The following PNPLA5 variants were observed in gnomAD, a reference collection of about 807,000 sequenced individuals.
PNPLA5 encodes the protein patatin like domain 5, triacylglycerol lipase.
In PNPLA5, 44 loss-of-function variants were observed where a neutral mutation model predicts 49.1. The ratio of observed to expected loss-of-function variants is 0.90; its 90% confidence interval spans 0.70 to 1.15. The LOEUF is 1.15. PNPLA5 is among the 50% of genes most tolerant of loss of function. The pLI is 0.00. For synonymous variants in PNPLA5, 243 were observed against 244.4 expected, an observed-to-expected ratio of 0.99 and a Z score of 0.06; for missense variants, 603 against 564.0, an observed-to-expected ratio of 1.07 and a Z score of -0.70.
At position 43,891,802 on chromosome 22, in the gene PNPLA5, C is replaced by T. The variant is rs1302740080; in HGVS notation, c.79G>A (p.Ala27Thr). 5 of 1,524,836 alleles carry T rather than the reference C, an allele frequency of 3.3e-6. No individual in the cohort carries two copies. In the African/African-American group the frequency reaches 4.2e-5, roughly 13 times the overall value. 94.5% of individuals were successfully genotyped at this position (1,524,836 alleles called of 1,614,324 possible). A position where few individuals can be genotyped will look rare whatever the true frequency, so the allele number is the denominator to read the frequency against. The stretch of plus-strand genomic sequence containing the variant: ...GCTCGCTGGCGCAGGCATTCGGTGG[C>T]GCCCACGTGGTGGGCGCCCAGGTAG... ...AGYLGAHHVG[A>T]TECLRQRAPR... is the part of the protein sequence containing the mutation. Residue 27 changes from alanine (A) to threonine (T), a missense_variant, in exon 1 of 9, where the codon GCC becomes ACC. Physicochemically the swap from Ala to Thr is moderately conservative, Grantham distance 58. Transcript: ENST00000216177.
intron 6 of PNPLA5, among the ~76,000 whole-genome samples, chr22:43,885,576 T>C (rs2148327591): frequency 6.6e-6 from 1 of 152,188 alleles, no homozygotes; most frequent in South Asian, 2.1e-4. Context: ...CCATGCCCTC[T>C]CCCCGATGCT....
chr22:43,891,557 C>G (rs942574898), intron 1 of PNPLA5, 131 bp downstream of exon 1: 14 of 1,320,704 alleles, frequency 1.1e-5, no homozygotes, highest in Non-Finnish European at 1.3e-5. Context: ...TCGGTGTTCT[C>G]ATGGGATTAA....
Position 43,881,655 on chromosome 22 carries a change from C to G in PNPLA5, c.1102G>C (p.Asp368His). Reference sequence around the variant, plus strand: ...ATCCACCACAAGTCCGCCGGCACATCGGGCAGCCACACCACCAACCTGGAG... The same window carrying G: ...ATCCACCACAAGTCCGCCGGCACATGGGGCAGCCACACCACCAACCTGGAG... ...RSRRLVVWLP[D>H]VPADLWWMQG... is the part of the protein sequence containing the mutation. Residue 368 changes from aspartate to histidine, a missense_variant, in exon 8 of 9, where the codon GAT (aspartate) becomes CAT (histidine). By Grantham distance (81) the Asp-to-His change is moderately conservative. Coordinates refer to ENST00000216177, the MANE Select transcript of PNPLA5 (RefSeq NM_138814.4). 4.3e-6 allele frequency: 7 copies of G among 1,613,668 alleles called. No individual in the cohort carries two copies. Among genetic ancestry groups the G allele is most frequent in the Non-Finnish European group, 5.9e-6 (7 of 1,179,888 alleles).
chr22:43,890,476 C>T (rs930550039), intron 2 of PNPLA5, among the ~76,000 whole-genome samples: 2 of 152,214 alleles, frequency 1.3e-5, no homozygotes, highest in South Asian at 2.1e-4. Flanking sequence ...CGTGCGCGTA[C>T]ACACTATTGG....
chr22:43,891,649 T>TC (rs2049724540), intron 1 of PNPLA5, 39 bp downstream of exon 1: 4 of 1,503,934 alleles, frequency 2.7e-6, no homozygotes, highest in Non-Finnish European at 3.5e-6. Flanking sequence ...TTCATTAAGC[T>TC]GTCCCCGCCC....
At chr22:43,883,280 G>A (rs185015957) in intron 7 of PNPLA5, among the ~76,000 whole-genome samples, 39 of 152,228 alleles carry the variant, frequency 2.6e-4, no homozygotes, top group African/African-American at 8.2e-4. Context: ...TCTAGGTGGC[G>A]CTGTAGTTAC....
At position 43,884,437 on chromosome 22, in the gene PNPLA5, C is replaced by A. The variant is rs558286738; in HGVS notation, c.950-92G>T. On this transcript the variant is annotated intron_variant, in intron 6 of 8. Coordinates refer to ENST00000216177, the MANE Select transcript of PNPLA5 (RefSeq NM_138814.4). ...CATTTCACACAGTAAGAGACTGCACCCCCTCCACCTTCTGCAGATGAAGAA... is the reference window on the plus strand; with the variant it reads ...CATTTCACACAGTAAGAGACTGCACACCCTCCACCTTCTGCAGATGAAGAA... 1.5e-5 allele frequency: 21 copies of A among 1,410,046 alleles called. No homozygotes were observed. In the African/African-American group the frequency reaches 2.8e-4, roughly 19 times the overall value. The allele number at this position is 1,410,046 out of a possible 1,614,324, so 87.3% of individuals were successfully genotyped here. A position where few individuals can be genotyped will look rare whatever the true frequency, so the allele number is the denominator to read the frequency against.
intron 7 of PNPLA5, among the ~76,000 whole-genome samples, chr22:43,883,327 A>T (rs2049629280): frequency 1.3e-5 from 2 of 152,282 alleles, no homozygotes; most frequent in East Asian, 1.9e-4. Context: ...CGTGAGCTCC[A>T]CCAGGCCAGG....
chr22:43,884,236 C>T lies in PNPLA5; in HGVS notation c.1059G>A (p.Glu353=). The part of the protein sequence containing the change: ...YLLLPCTLPF[E]YIYFRSRRLV... ...ACCTTCTGCTGCGGAAGTAGATGTA[C>T]TCGAAGGGCAGTGTGCAGGGTAGCA... Residue 353 remains glutamate (E), a synonymous_variant, in exon 7 of 9, where the codon GAG becomes GAA. Coordinates refer to ENST00000216177, the MANE Select transcript of PNPLA5 (RefSeq NM_138814.4). 3 of 1,576,274 alleles carry T rather than the reference C, an allele frequency of 1.9e-6. No homozygotes were observed. The South Asian group carries it at 3.5e-5, about 18-fold the overall frequency.
At position 43,891,797 on chromosome 22, in the gene PNPLA5, G is replaced by T; in HGVS notation, c.84C>A (p.Thr28=). 1 of 1,525,786 alleles carries T rather than the reference G, an allele frequency of 6.6e-7. No homozygotes were observed. The highest frequency in any genetic ancestry group is 8.8e-7 in the Non-Finnish European group (1 of 1,140,240). The allele number at this position is 1,525,786 out of a possible 1,614,324, so 94.5% of individuals were successfully genotyped here. A position where few individuals can be genotyped will look rare whatever the true frequency, so the allele number is the denominator to read the frequency against. ...GCGGGGCTCGCTGGCGCAGGCATTC[G>T]GTGGCGCCCACGTGGTGGGCGCCCA... ...GYLGAHHVGA[T]ECLRQRAPRL... Residue 28 remains threonine, a synonymous_variant, in exon 1 of 9, where the codon ACC becomes ACA. Coordinates refer to ENST00000216177, the MANE Select transcript of PNPLA5 (RefSeq NM_138814.4).
intron 7 of PNPLA5, among the ~76,000 whole-genome samples, chr22:43,882,751 T>G (rs1030745729): frequency 6.6e-6 from 1 of 152,190 alleles, no homozygotes; most frequent in Non-Finnish European, 1.5e-5. Flanking sequence ...GGTAGAAAGC[T>G]CTCTCCTGGG....
intron 2 of PNPLA5, 87 bp downstream of exon 2, chr22:43,890,975 A>T: frequency 6.7e-7 from 1 of 1,498,346 alleles, no homozygotes; most frequent in South Asian, 1.2e-5. Context: ...CCCTGCAGAA[A>T]CGTCTGACGG....
chr22:43,884,365 A>C lies in PNPLA5; in HGVS notation c.950-20T>G. Reference sequence around the variant, plus strand: ...TCAGTGCTGCAAGAGAAGCCCTGGCATGGCCCTGCCCACCTGAAGTCTGTG... The same window carrying C: ...TCAGTGCTGCAAGAGAAGCCCTGGCCTGGCCCTGCCCACCTGAAGTCTGTG... On this transcript the variant is annotated intron_variant, in intron 6 of 8. Coordinates refer to ENST00000216177, the MANE Select transcript of PNPLA5 (RefSeq NM_138814.4). The C allele has an allele frequency of 6.5e-7, 1 of 1,539,852 alleles. No homozygotes were observed. Among genetic ancestry groups the C allele is most frequent in the East Asian group, 2.4e-5 (1 of 41,468 alleles).
chr22:43,891,789 A>G lies in PNPLA5; in HGVS notation c.92T>C (p.Leu31Pro), dbSNP rs1218382482. The change falls in exon 1 of 9, where the codon CTG becomes CCG. Residue 31 changes from leucine to proline, a missense_variant. By Grantham distance (98) the Leu-to-Pro change is moderately conservative. Coordinates refer to ENST00000216177, the MANE Select transcript of PNPLA5 (RefSeq NM_138814.4). ...GAGGAGGCGCGGGGCTCGCTGGCGC[A>G]GGCATTCGGTGGCGCCCACGTGGTG... ...GAHHVGATEC[L>P]RQRAPRLLQG... 5 of 1,528,792 alleles carry G rather than the reference A, an allele frequency of 3.3e-6. No homozygotes were observed. Among genetic ancestry groups the G allele is most frequent in the Non-Finnish European group, 4.4e-6 (5 of 1,141,004 alleles). The allele number at this position is 1,528,792 out of a possible 1,614,324, so 94.7% of individuals were successfully genotyped here. A position where few individuals can be genotyped will look rare whatever the true frequency, so the allele number is the denominator to read the frequency against.
At position 43,889,564 on chromosome 22, in the gene PNPLA5, TG is replaced by T. The variant is rs763050074; in HGVS notation, c.493-27del. 9.5e-4 allele frequency: 1,504 copies of T among 1,580,388 alleles called. 4 individuals carry two copies. Among genetic ancestry groups the T allele is most frequent in the Non-Finnish European group, 1.2e-3 (1,391 of 1,161,744 alleles). On this transcript the variant is annotated intron_variant, in intron 3 of 8. Coordinates refer to ENST00000216177, the MANE Select transcript of PNPLA5 (RefSeq NM_138814.4). ...CTGCAATTTGTGGGGAGCAGGTGGG[TG>T]GTGCTGCCCTCTCAGAGGGCCTCCC...
intron 1 of PNPLA5, 135 bp from the exon 2 acceptor site, chr22:43,891,429 C>G (rs2049722453): frequency 2.8e-6 from 4 of 1,406,104 alleles, no homozygotes; most frequent in East Asian, 2.7e-5. Flanking sequence ...GGCTCGGCCC[C>G]GGATTCAAAT....
intron 6 of PNPLA5, 65 bp downstream of exon 6, chr22:43,886,238 T>G: frequency 6.6e-7 from 1 of 1,517,764 alleles, no homozygotes; most frequent in Non-Finnish European, 8.9e-7. Flanking sequence ...CAAGGCAGGG[T>G]CCCTGAGCCC....
rs570355524 is a variant in PNPLA5, at chr22:43,884,457, G to A, written c.950-112C>T. The A allele has an allele frequency of 3.3e-5, 45 of 1,379,218 alleles. No individual in the cohort carries two copies. In the South Asian group the frequency reaches 7.7e-4, roughly 24 times the overall value. 85.4% of individuals were successfully genotyped at this position (1,379,218 alleles called of 1,614,324 possible). Reference sequence around the variant, plus strand: ...TGCACCCCCTCCACCTTCTGCAGATGAAGAAGCAACACTGAGCAAGCCCCC... The same window carrying A: ...TGCACCCCCTCCACCTTCTGCAGATAAAGAAGCAACACTGAGCAAGCCCCC... On this transcript the variant is annotated intron_variant, in intron 6 of 8. Coordinates refer to ENST00000216177, the MANE Select transcript of PNPLA5 (RefSeq NM_138814.4).
intron 2 of PNPLA5, 125 bp downstream of exon 2, chr22:43,890,937 C>A: frequency 7.9e-7 from 1 of 1,271,358 alleles, no homozygotes. Context: ...CACCTACAAA[C>A]AGGTCCACCC....
Sources: gnomAD v4.1 joint callset for allele counts (sites outside exome capture counted in the v4.1 genomes callset) on GRCh38, gnomAD v4.1.1 for gene constraint, MANE v1.5 for transcripts, NCBI Gene and HGNC (gene_info 2026-07-23, HGNC 2026-07-21) for gene names.